ST6GALNAC3: variants seen among roughly 807,000 people sequenced by gnomAD.
ST6GALNAC3 encodes alpha-N-acetylgalactosaminide alpha-2,6-sialyltransferase 3.
In ST6GALNAC3, 25 loss-of-function variants were observed where a neutral mutation model predicts 32.7. The ratio of observed to expected loss-of-function variants is 0.76; its 90% CI spans 0.56 to 1.07. ST6GALNAC3 has a LOEUF of 1.07. ST6GALNAC3 is among the 50% of genes least tolerant of loss of function. The pLI is 0.00. For synonymous variants in ST6GALNAC3, 129 were observed against 133.1 expected (o/e 0.97, Z 0.21); for missense variants, 355 against 382.4 (o/e 0.93, Z 0.60).
chr1:76,119,072 C>T (rs545383825), intron 1 of ST6GALNAC3, among the ~76,000 whole-genome samples: 6 of 152,316 alleles, frequency 3.9e-5, no homozygotes, highest in Admixed American at 6.5e-5. Context: ...CCACCCACCA[C>T]GACCTCCCAA....
intron 2 of ST6GALNAC3, among the ~76,000 whole-genome samples, chr1:76,360,859 T>C (rs1649871485): frequency 6.6e-6 from 1 of 152,156 alleles, no homozygotes; most frequent in South Asian, 2.1e-4. Flanking sequence ...AGAGTCTCAA[T>C]TTCAAGGAAA....
chr1:76,544,691 A>G (rs114354523), intron 3 of ST6GALNAC3, among the ~76,000 whole-genome samples: 290 of 152,302 alleles, frequency 1.9e-3, no homozygotes, highest in African/African-American at 6.5e-3. Context: ...GTGCCTATGA[A>G]ATATCCAAGG....
chr1:76,217,852 C>A (rs1398868888), intron 1 of ST6GALNAC3, among the ~76,000 whole-genome samples: 1 of 152,202 alleles, frequency 6.6e-6, no homozygotes, highest in Non-Finnish European at 1.5e-5. Context: ...TTATGTTATT[C>A]CTTTTTATGG....
intron 3 of ST6GALNAC3, among the ~76,000 whole-genome samples, chr1:76,488,385 G>A (rs1261556140): frequency 6.6e-6 from 1 of 152,072 alleles, no homozygotes; most frequent in African/African-American, 2.4e-5. Context: ...CCAACCAGGC[G>A]CTAGCACCAT....
intron 1 of ST6GALNAC3, among the ~76,000 whole-genome samples, chr1:76,290,929 C>T (rs970731110): frequency 6.6e-6 from 1 of 152,108 alleles, no homozygotes; most frequent in Non-Finnish European, 1.5e-5. Flanking sequence ...ATTTACCGAG[C>T]GAGCTGTTGA....
intron 2 of ST6GALNAC3, among the ~76,000 whole-genome samples, chr1:76,325,141 A>G (rs1186120185): frequency 2.0e-5 from 3 of 152,234 alleles, no homozygotes; most frequent in Non-Finnish European, 4.4e-5. Flanking sequence ...ATTGTCATTG[A>G]CTGAGATGGA....
chr1:76,513,532 G>A (rs1316828610), intron 3 of ST6GALNAC3, among the ~76,000 whole-genome samples: 1 of 152,100 alleles, frequency 6.6e-6, no homozygotes, highest in Admixed American at 6.6e-5. Context: ...GGTACTTACA[G>A]CTTTGTAATC....
chr1:76,448,645 T>C (rs1333607129), intron 3 of ST6GALNAC3, among the ~76,000 whole-genome samples: 1 of 152,100 alleles, frequency 6.6e-6, no homozygotes, highest in Non-Finnish European at 1.5e-5. Context: ...GCTGTTCTGG[T>C]GATAGTAAAT....
intron 1 of ST6GALNAC3, among the ~76,000 whole-genome samples, chr1:76,240,289 C>T (rs921025716): frequency 1.3e-5 from 2 of 152,148 alleles, no homozygotes; most frequent in Non-Finnish European, 2.9e-5. Flanking sequence ...ATGCCTGTCT[C>T]TTCTCCTCTT....
intron 1 of ST6GALNAC3, among the ~76,000 whole-genome samples, chr1:76,231,767 C>T (rs1443216092): frequency 2.0e-5 from 3 of 152,114 alleles, no homozygotes; most frequent in African/African-American, 7.2e-5. Flanking sequence ...TGCCTTTATC[C>T]AAATGGCTGT....
intron 1 of ST6GALNAC3, among the ~76,000 whole-genome samples, chr1:76,250,879 C>T (rs1003657663): frequency 6.6e-6 from 1 of 152,154 alleles, no homozygotes; most frequent in East Asian, 1.9e-4. Context: ...ATTCTGACTT[C>T]AGTCAACCAC....
rs890464219 is a variant in ST6GALNAC3, at chr1:76,629,978, A to G, written c.*1172A>G. On this transcript the variant is annotated 3_prime_UTR_variant, in exon 5 of 5. Transcript: ENST00000328299. ...ATAGTGTATCAGTTGTTATGCCACA[A>G]TAACAACAATAATAATGTTCTTAAT... is the stretch of plus-strand genomic sequence containing the variant. The G allele has an allele frequency of 1.0e-5, 10 of 985,004 alleles. No individual in the cohort carries two copies. In the African/African-American group the frequency reaches 1.7e-4, roughly 17 times the overall value. 61.0% of individuals were successfully genotyped at this position (985,004 alleles called of 1,614,324 possible). A position where few individuals can be genotyped will look rare whatever the true frequency, so the allele number is the denominator to read the frequency against.
intron 1 of ST6GALNAC3, among the ~76,000 whole-genome samples, chr1:76,076,972 C>T (rs1646824979): frequency 7.1e-6 from 1 of 141,832 alleles, no homozygotes; most frequent in African/African-American, 2.4e-5. Context: ...GGCCTAATAC[C>T]ATTCAGTTCC....
intron 2 of ST6GALNAC3, among the ~76,000 whole-genome samples, chr1:76,342,974 G>A (rs1205588628): frequency 2.6e-5 from 4 of 151,890 alleles, no homozygotes; most frequent in African/African-American, 7.3e-5. Flanking sequence ...CTGGATATTA[G>A]CCCTTTGTCA....
At chr1:76,248,227 G>A (rs771354509) in intron 1 of ST6GALNAC3, among the ~76,000 whole-genome samples, 2 of 152,156 alleles carry the variant, frequency 1.3e-5, no homozygotes, top group Admixed American at 6.5e-5. Context: ...GTCTTGCTGG[G>A]AGCTGCAGAC....
chr1:76,258,611 A>C (rs991606404), intron 1 of ST6GALNAC3, among the ~76,000 whole-genome samples: 4 of 152,178 alleles, frequency 2.6e-5, no homozygotes, highest in African/African-American at 9.6e-5. Context: ...GAGTTTGCTC[A>C]AAAAATAAAT....
intron 1 of ST6GALNAC3, among the ~76,000 whole-genome samples, chr1:76,290,856 G>A (rs1364179217): frequency 6.6e-6 from 1 of 152,186 alleles, no homozygotes; most frequent in Non-Finnish European, 1.5e-5. Flanking sequence ...GCTTTCAGGA[G>A]GTGGACAGCT....
downstream of ST6GALNAC3, chr1:76,636,998 G>A (rs571786558): frequency 6.6e-6 from 1 of 150,862 alleles, no homozygotes; most frequent in Non-Finnish European, 1.5e-5. Context: ...ATATTCTGTG[G>A]TTCTTTACAG....
chr1:76,612,741 C>A (rs923807930), intron 3 of ST6GALNAC3, among the ~76,000 whole-genome samples: 2 of 152,184 alleles, frequency 1.3e-5, no homozygotes, highest in African/African-American at 4.8e-5. Flanking sequence ...TAACAGCATG[C>A]TAGTTTTGGA....
Sources: allele counts gnomAD v4.1 joint callset (sites outside exome capture counted in the v4.1 genomes callset), GRCh38; gene constraint gnomAD v4.1.1; transcripts MANE v1.5; gene names NCBI Gene and HGNC (gene_info 2026-07-23, HGNC 2026-07-21).